F13A1: variants seen among roughly 807,000 people sequenced by gnomAD.
F13A1 encodes the protein FSF, A subunit.
F13A1 carries 47 observed loss-of-function variants against 80.1 expected under a neutral mutation model. The ratio of observed to expected loss-of-function variants is 0.59; its 90% CI spans 0.46 to 0.75. F13A1 has a LOEUF of 0.75. F13A1 is among the 30% of genes least tolerant of loss of function. The pLI is 0.00. For synonymous variants in F13A1, 349 were observed against 344.9 expected, an observed-to-expected ratio of 1.01 and a Z score of -0.13; for missense variants, 817 against 930.4, an observed-to-expected ratio of 0.88 and a Z score of 1.59.
chr6:6,244,798 C>G (rs1298848438), intron 6 of F13A1, among the ~76,000 whole-genome samples: 1 of 152,170 alleles, frequency 6.6e-6, no homozygotes, highest in Admixed American at 6.5e-5. Context: ...AAGTTAATAG[C>G]ACAACCAGAA....
intron 6 of F13A1, among the ~76,000 whole-genome samples, chr6:6,245,782 C>G (rs1359776521): frequency 6.6e-6 from 1 of 152,180 alleles, no homozygotes; most frequent in East Asian, 1.9e-4. Flanking sequence ...CAAGTGCCCT[C>G]AGGAAAGTTC....
chr6:6,272,267 G>C (rs775552162), intron 3 of F13A1, among the ~76,000 whole-genome samples: 1 of 152,266 alleles, frequency 6.6e-6, no homozygotes. Flanking sequence ...GTGGTGATTA[G>C]GTTCCCAGGT....
intron 1 of F13A1, among the ~76,000 whole-genome samples, chr6:6,320,385 A>G (rs1758758441): frequency 6.6e-6 from 1 of 152,156 alleles, no homozygotes; most frequent in Non-Finnish European, 1.5e-5. Flanking sequence ...CTGCCTCGAG[A>G]GCCTGAGAGA....
Position 6,182,073 on chromosome 6 carries a change from G to A in F13A1, c.1374C>T (p.Ala458=), listed in dbSNP as rs968590278. 2 of 1,614,162 alleles carry A rather than the reference G, an allele frequency of 1.2e-6. No individual in the cohort carries two copies. Among genetic ancestry groups the A allele is most frequent in the Non-Finnish European group, 1.7e-6 (2 of 1,180,010 alleles). The stretch of plus-strand genomic sequence containing the variant: ...TCACAATTAATTTCCCAATGTGGGT[G>A]GCATCCACATTTTCCACCACATGAG... ...DGTHVVENVD[A]THIGKLIVTK... Residue 458 remains alanine (A), a synonymous_variant, in exon 11 of 15, where the codon GCC becomes GCT. Transcript: ENST00000264870.
intron 8 of F13A1, among the ~76,000 whole-genome samples, chr6:6,211,441 A>G (rs1761606901): frequency 6.6e-6 from 1 of 152,230 alleles, no homozygotes; most frequent in South Asian, 2.1e-4. Context: ...CAGAATTGGC[A>G]ACTGCAATGC....
At chr6:6,262,942 C>T (rs991384933) in intron 4 of F13A1, among the ~76,000 whole-genome samples, 16 of 152,100 alleles carry the variant, frequency 1.1e-4, no homozygotes, top group African/African-American at 3.4e-4. Flanking sequence ...TTTAAAAAAC[C>T]CCAAAGCCCA....
chr6:6,232,653 T>G (rs1757368254), intron 6 of F13A1, among the ~76,000 whole-genome samples: 1 of 152,012 alleles, frequency 6.6e-6, no homozygotes, highest in African/African-American at 2.4e-5. Context: ...GAACACACAT[T>G]CTAATCAACA....
intron 3 of F13A1, among the ~76,000 whole-genome samples, chr6:6,268,679 G>C (rs895381626): frequency 1.3e-5 from 2 of 150,198 alleles, no homozygotes; most frequent in Non-Finnish European, 3.0e-5. Context: ...CTGGCTGAGG[G>C]GGCACTCATT....
rs1392386746 is a variant in F13A1, at chr6:6,310,314, A to G, written c.131-4775T>C. On this transcript the variant is annotated intron_variant, in intron 2 of 14. Transcript: ENST00000264870. The stretch of plus-strand genomic sequence containing the variant: ...CAATGGTTTCCAAATGTAAATGACT[A>G]TGGAAACTTTTTTCTTTGGAGATCT... Among the ~76,000 whole-genome samples the G allele has an allele frequency of 2.6e-5, 4 of 152,186 alleles. No individual in the cohort carries two copies. In the East Asian group the frequency reaches 7.7e-4, roughly 29 times the overall value.
At position 6,300,979 on chromosome 6, in the gene F13A1, T is replaced by G. The variant is rs117109740; in HGVS notation, c.319+4372A>C. 2.1e-3 allele frequency among the ~76,000 whole-genome samples: 320 copies of G among 152,282 alleles called. 6 individuals carry two copies. Among genetic ancestry groups the G allele is most frequent in the East Asian group, 6.7e-3 (35 of 5,192 alleles). On this transcript the variant is annotated intron_variant, in intron 3 of 14. Coordinates refer to ENST00000264870, the MANE Select transcript of F13A1 (RefSeq NM_000129.4). ...TAAAAATGAATAGAAATTATATTCT[T>G]TTTCGTTTTTAAACCATCACTTTTA... is the stretch of plus-strand genomic sequence containing the variant.
At chr6:6,257,397 G>T (rs566930302) in intron 4 of F13A1, among the ~76,000 whole-genome samples, 1 of 152,106 alleles carries the variant, frequency 6.6e-6, no homozygotes, top group African/African-American at 2.4e-5. Context: ...TCCTAAAATG[G>T]TTTCATATAG....
intron 1 of F13A1, among the ~76,000 whole-genome samples, chr6:6,319,556 T>A (rs1263045204): frequency 6.6e-6 from 1 of 152,166 alleles, no homozygotes; most frequent in Non-Finnish European, 1.5e-5. Context: ...GTTGACCAAA[T>A]GACCAAATGA....
At chr6:6,316,526 A>G (rs1440553638) in intron 2 of F13A1, among the ~76,000 whole-genome samples, 1 of 152,182 alleles carries the variant, frequency 6.6e-6, no homozygotes, top group African/African-American at 2.4e-5. Flanking sequence ...CAACAAAAGC[A>G]GTAATCCCAG....
intron 3 of F13A1, among the ~76,000 whole-genome samples, chr6:6,284,792 A>G (rs1055435341): frequency 3.9e-5 from 6 of 152,162 alleles, no homozygotes; most frequent in African/African-American, 1.2e-4. Flanking sequence ...CCCTCTTGGA[A>G]TGCTCCCAGT....
intron 4 of F13A1, among the ~76,000 whole-genome samples, chr6:6,262,319 C>T (rs1294378892): frequency 2.0e-5 from 3 of 152,252 alleles, no homozygotes; most frequent in African/African-American, 7.2e-5. Context: ...CACCCTCCAT[C>T]CCAAACTGCA....
chr6:6,292,863 T>A (rs1377427784), intron 3 of F13A1, among the ~76,000 whole-genome samples: 1 of 152,138 alleles, frequency 6.6e-6, no homozygotes, highest in African/African-American at 2.4e-5. Context: ...CAGCACCCAC[T>A]TTCAGCTCTG....
At position 6,223,398 on chromosome 6, in the gene F13A1, T is replaced by TC. The variant is rs3024408; in HGVS notation, c.974-1228dup. ...GGGAGAACTTGGGTCCTTTCTGTCTTCTAAAATCATTTCACAAGAGTGGTT... is the reference window on the plus strand; with the variant it reads ...GGGAGAACTTGGGTCCTTTCTGTCTTCCTAAAATCATTTCACAAGAGTGGTT... On this transcript the variant is annotated intron_variant, in intron 7 of 14. Transcript: ENST00000264870. 2.0e-3 allele frequency among the ~76,000 whole-genome samples: 301 copies of TC among 152,312 alleles called. 3 individuals are homozygous for TC. The highest frequency in any genetic ancestry group is 7.0e-3 in the African/African-American group (292 of 41,548).
At chr6:6,289,839 C>A (rs961777902) in intron 3 of F13A1, among the ~76,000 whole-genome samples, 2 of 151,578 alleles carry the variant, frequency 1.3e-5, no homozygotes, top group African/African-American at 4.9e-5. Flanking sequence ...AGAATGTATA[C>A]AATTTCCATT....
chr6:6,247,698 G>T (rs1757573194), intron 6 of F13A1, among the ~76,000 whole-genome samples: 1 of 152,226 alleles, frequency 6.6e-6, no homozygotes, highest in African/African-American at 2.4e-5. Flanking sequence ...GAAGTCAGCA[G>T]ACCGGAGTTC....
Sources: allele counts gnomAD v4.1 joint callset (sites outside exome capture counted in the v4.1 genomes callset), GRCh38; gene constraint gnomAD v4.1.1; transcripts MANE v1.5; gene names NCBI Gene and HGNC (gene_info 2026-07-23, HGNC 2026-07-21).